Variants in SERF2 observed in about 807,000 individuals in gnomAD.
The protein encoded by SERF2 is gastric cancer-related protein VRG107.
In SERF2, 4 loss-of-function variants were observed where a neutral mutation model predicts 10.7. The ratio of observed to expected loss-of-function variants is 0.37; its 90% CI spans 0.18 to 0.86. The LOEUF (loss-of-function observed/expected upper bound fraction) is 0.86, where lower values mean the gene tolerates loss of function less well. Ranked by LOEUF, SERF2 falls within the 40% of genes least tolerant of loss-of-function variation. The pLI is 0.43. For missense variants in SERF2, 47 were observed against 79.1 expected, an observed-to-expected ratio of 0.59 and a Z score of 1.54; for synonymous variants, 26 against 26.0, an observed-to-expected ratio of 1.00 and a Z score of 0.01.
Position 43,795,583 on chromosome 15 carries a change from C to T in SERF2, c.*1810C>T. The T allele has an allele frequency of 6.2e-7, 1 of 1,613,188 alleles. No individual in the cohort carries two copies. The highest frequency in any genetic ancestry group is 8.5e-7 in the Non-Finnish European group (1 of 1,179,302). On this transcript the variant is annotated 3_prime_UTR_variant, in exon 3 of 3. Coordinates refer to ENST00000249786, the MANE Select transcript of SERF2 (RefSeq NM_001018108.4). ...GCTGCTGGGAGCAGAGCTGCTGAAACACCTCTTCCCCTCTCCCCCAACTAC... is the reference window on the plus strand; with the variant it reads ...GCTGCTGGGAGCAGAGCTGCTGAAATACCTCTTCCCCTCTCCCCCAACTAC...
chr15:43,793,305 G>A (rs930213869), intron 2 of SERF2: 1 of 568,266 alleles, frequency 1.8e-6, no homozygotes, highest in Non-Finnish European at 3.1e-6. Flanking sequence ...TCTGATTTCT[G>A]AGCGTCCCTG....
rs1353399287 is a variant in SERF2, at chr15:43,795,746, A to C, written c.*1973A>C. The stretch of plus-strand genomic sequence containing the variant: ...AACACAGTGAGGGCTTCTGCAAAAC[A>C]GAACGCAGGTTTTGGAATGGTCTTA... On this transcript the variant is annotated 3_prime_UTR_variant, in exon 3 of 3. Transcript: ENST00000249786. 6.2e-6 allele frequency: 10 copies of C among 1,613,098 alleles called. No individual in the cohort carries two copies. In the African/African-American group the frequency reaches 1.3e-4, roughly 22 times the overall value.
At chr15:43,792,933 C>T in intron 1 of SERF2, 42 bp from the exon 2 acceptor site, 2 of 1,415,078 alleles carry the variant, frequency 1.4e-6, no homozygotes, top group Non-Finnish European at 2.0e-6. Context: ...GGTGTGTGGG[C>T]AGAGCGGCCC....
In SERF2 at chr15:43,793,823, G is replaced by A. The variant is rs747914951; in HGVS notation, c.*50G>A. 2.5e-5 allele frequency: 41 copies of A among 1,614,036 alleles called. No individual in the cohort carries two copies. In the Admixed American group the frequency reaches 5.7e-4, roughly 22 times the overall value. On this transcript the variant is annotated 3_prime_UTR_variant, in exon 3 of 3. Coordinates refer to ENST00000249786, the MANE Select transcript of SERF2 (RefSeq NM_001018108.4). ...CTTGCCCTTCGCCTGTGTGCCTGGAGCCAGTCCCACCACGCTCGCGTTTCC... is the reference window on the plus strand; with the variant it reads ...CTTGCCCTTCGCCTGTGTGCCTGGAACCAGTCCCACCACGCTCGCGTTTCC...
At chr15:43,785,637 T>G (rs1192729891) in intron 2 of SERF2, 2 of 151,968 alleles carry the variant, frequency 1.3e-5, no homozygotes, top group African/African-American at 2.4e-5. Flanking sequence ...TAGTCCTGTG[T>G]CTCCGATTTT....
chr15:43,793,240 A>G, intron 2 of SERF2, 157 bp downstream of exon 2: 1 of 600,762 alleles, frequency 1.7e-6, no homozygotes, highest in African/African-American at 1.9e-5. Context: ...CCCACCCTCC[A>G]AATTGTTAGC....
At chr15:43,791,141 T>G (rs569857123), upstream of SERF2, among the ~76,000 whole-genome samples, 1 of 151,906 alleles carries the variant, frequency 6.6e-6, no homozygotes, top group South Asian at 2.1e-4. Context: ...TGGTGCGATC[T>G]CGGCTCACTG....
intron 1 of SERF2, among the ~76,000 whole-genome samples, chr15:43,781,275 C>T (rs756227181): frequency 9.9e-5 from 15 of 152,244 alleles, no homozygotes; most frequent in Middle Eastern, 3.4e-3. Context: ...GAGTTGTTGG[C>T]CAGCCACGGT....
At position 43,795,620 on chromosome 15, in the gene SERF2, CTCTTGAGGGT is replaced by C; in HGVS notation, c.*1852_*1861del. The stretch of plus-strand genomic sequence containing the variant: ...TCTCCCCCAACTACCTTTGTTAAGG[CTCTTGAGGGT>C]TCTTATGGCACTCCACAGAGATCTA... On this transcript the variant is annotated 3_prime_UTR_variant, in exon 3 of 3. Coordinates refer to ENST00000249786, the MANE Select transcript of SERF2 (RefSeq NM_001018108.4). 1 of 1,610,564 alleles carries C rather than the reference CTCTTGAGGGT, an allele frequency of 6.2e-7. No individual in the cohort carries two copies.
intron 2 of SERF2, 65 bp downstream of exon 2, chr15:43,793,148 G>A (rs1003221597): frequency 9.9e-7 from 1 of 1,006,616 alleles, no homozygotes; most frequent in Non-Finnish European, 1.5e-6. Flanking sequence ...GTTATAGAAG[G>A]AAAGAGAGCT....
chr15:43,794,408 C>T lies in SERF2; in HGVS notation c.*635C>T, dbSNP rs1458564536. 6.1e-6 allele frequency: 1 copy of T among 164,328 alleles called. No individual in the cohort carries two copies. Among genetic ancestry groups the T allele is most frequent in the East Asian group, 1.8e-4 (1 of 5,440 alleles). The allele number at this position is 164,328 out of a possible 1,614,324, so 10.2% of individuals were successfully genotyped here. A position where few individuals can be genotyped will look rare whatever the true frequency, so the allele number is the denominator to read the frequency against. The stretch of plus-strand genomic sequence containing the variant: ...CTGCTTGAAAGTTGGCCAAAAAATC[C>T]TGCTGCTCACCGACTTCCCGTGGTC... On this transcript the variant is annotated 3_prime_UTR_variant, in exon 3 of 3. Coordinates refer to ENST00000249786, the MANE Select transcript of SERF2 (RefSeq NM_001018108.4).
chr15:43,792,514 C>G (rs749607216), intron 1 of SERF2, 131 bp downstream of exon 1: 12 of 1,548,912 alleles, frequency 7.7e-6, no homozygotes, highest in Non-Finnish European at 9.6e-6. Flanking sequence ...TGTGGCCACC[C>G]TCACACTCGG....
upstream of SERF2, among the ~76,000 whole-genome samples, chr15:43,788,395 G>A (rs1300901651): frequency 6.6e-6 from 1 of 152,196 alleles, no homozygotes; most frequent in Admixed American, 6.5e-5. Context: ...CAAAGTGCTG[G>A]GATTACAGGC....
In SERF2 at chr15:43,793,989, C is replaced by T. The variant is rs1290842766; in HGVS notation, c.*216C>T. 1 of 1,502,222 alleles carries T rather than the reference C, an allele frequency of 6.7e-7. No individual in the cohort carries two copies. Among genetic ancestry groups the T allele is most frequent in the Non-Finnish European group, 8.9e-7 (1 of 1,126,222 alleles). The allele number at this position is 1,502,222 out of a possible 1,614,324, so 93.1% of individuals were successfully genotyped here. ...CGGGGGTGAGGGGGTTACCCCTTCC[C>T]AGTGTTTTTTATTCCTGTGGGGCTC... On this transcript the variant is annotated 3_prime_UTR_variant, in exon 3 of 3. Transcript: ENST00000249786.
chr15:43,788,115 T>C (rs1418397221), upstream of SERF2, among the ~76,000 whole-genome samples: 1 of 152,148 alleles, frequency 6.6e-6, no homozygotes, highest in Non-Finnish European at 1.5e-5. Context: ...CCTCAAGAGA[T>C]CTGCCTGCCT....
chr15:43,795,346 G>A lies in SERF2; in HGVS notation c.*1573G>A, dbSNP rs775225510. On this transcript the variant is annotated 3_prime_UTR_variant, in exon 3 of 3. Transcript: ENST00000249786. ...CTTGAATTGCTCTTTCCTTAAAATA[G>A]CTAGCTCTTCAGGAGAGTATCTAAG... is the stretch of plus-strand genomic sequence containing the variant. The A allele has an allele frequency of 3.9e-5, 63 of 1,609,718 alleles. No individual in the cohort carries two copies. Among genetic ancestry groups the A allele is most frequent in the Non-Finnish European group, 5.0e-5 (59 of 1,176,374 alleles).
rs776005780 is a variant in SERF2, at chr15:43,793,840, C to T, written c.*67C>T. On this transcript the variant is annotated 3_prime_UTR_variant, in exon 3 of 3. Coordinates refer to ENST00000249786, the MANE Select transcript of SERF2 (RefSeq NM_001018108.4). ...TGCCTGGAGCCAGTCCCACCACGCT[C>T]GCGTTTCCTCCTGTAGTGCTCACAG... 5.0e-6 allele frequency: 8 copies of T among 1,613,758 alleles called. No individual in the cohort carries two copies. The highest frequency in any genetic ancestry group is 3.3e-5 in the Admixed American group (2 of 59,940).
At chr15:43,789,159 A>G (rs954720347), upstream of SERF2, among the ~76,000 whole-genome samples, 67 of 152,156 alleles carry the variant, frequency 4.4e-4, no homozygotes, top group Non-Finnish European at 5.9e-4. Context: ...AAAAAAAAAA[A>G]AAAAGAAAAG....
chr15:43,780,844 G>A (rs1410198925), intron 1 of SERF2, among the ~76,000 whole-genome samples: 1 of 152,128 alleles, frequency 6.6e-6, no homozygotes, highest in Non-Finnish European at 1.5e-5. Context: ...GCAGTTTGAG[G>A]TGCAACAGCA....
Sources: gnomAD v4.1 joint callset for allele counts (sites outside exome capture counted in the v4.1 genomes callset) on GRCh38, gnomAD v4.1.1 for gene constraint, MANE v1.5 for transcripts, NCBI Gene and HGNC (gene_info 2026-07-23, HGNC 2026-07-21) for gene names.